CNTN4: variants seen among roughly 807,000 people sequenced by gnomAD.
The protein encoded by CNTN4 is contactin-4.
In CNTN4, 77 loss-of-function variants were observed where a neutral mutation model predicts 122.5. The ratio of observed to expected loss-of-function variants is 0.63; its 90% CI spans 0.52 to 0.76. The LOEUF is 0.76. Ranked by LOEUF, CNTN4 falls within the 30% of genes least tolerant of loss-of-function variation. The pLI is 0.00. For missense variants in CNTN4, 1,256 were observed against 1,259.1 expected (o/e 1.00, Z 0.04); for synonymous variants, 512 against 447.0 (o/e 1.15, Z -1.83).
At chr3:2,099,582 C>T (rs1230220767) in intron 1 of CNTN4, 1 of 153,650 alleles carries the variant, frequency 6.5e-6, no homozygotes, top group Non-Finnish European at 1.4e-5. Flanking sequence ...CCGCTGGGTG[C>T]CGGGCTGGCT....
intron 9 of CNTN4, among the ~76,000 whole-genome samples, chr3:2,884,552 G>A (rs2093948230): frequency 6.6e-6 from 1 of 152,116 alleles, no homozygotes; most frequent in Admixed American, 6.6e-5. Flanking sequence ...TTAAGACATA[G>A]AAAATGCCCA....
intron 6 of CNTN4, among the ~76,000 whole-genome samples, chr3:2,767,479 G>A (rs568733221): frequency 3.9e-5 from 6 of 152,172 alleles, no homozygotes; most frequent in Admixed American, 6.5e-5. Flanking sequence ...CCTGAAAAAG[G>A]AAGTTTATAT....
chr3:3,007,301 A>C (rs1008171583), intron 14 of CNTN4, among the ~76,000 whole-genome samples: 2 of 152,130 alleles, frequency 1.3e-5, no homozygotes, highest in Non-Finnish European at 2.9e-5. Context: ...TGAGCACTGG[A>C]GTCTGTGATT....
At chr3:3,016,281 AG>A (rs145920884) in intron 14 of CNTN4, among the ~76,000 whole-genome samples, 18 of 152,286 alleles carry the variant, frequency 1.2e-4, no homozygotes, top group Admixed American at 9.2e-4. Context: ...AGCTTCAAAA[AG>A]AAAATGTGAG....
intron 3 of CNTN4, among the ~76,000 whole-genome samples, chr3:2,374,944 T>C (rs2150699789): frequency 6.6e-6 from 1 of 152,284 alleles, no homozygotes; most frequent in South Asian, 2.1e-4. Flanking sequence ...TAATTTACCA[T>C]TTTGTACCAT....
At chr3:3,035,753 T>C (rs1699545688) in intron 17 of CNTN4, among the ~76,000 whole-genome samples, 1 of 152,160 alleles carries the variant, frequency 6.6e-6, no homozygotes, top group Admixed American at 6.5e-5. Context: ...GAGACAGGTC[T>C]TGCTATGTTG....
intron 8 of CNTN4, among the ~76,000 whole-genome samples, chr3:2,881,331 A>G (rs192110081): frequency 1.3e-3 from 199 of 152,198 alleles, no homozygotes; most frequent in African/African-American, 3.5e-3. Context: ...TGGCCAACAT[A>G]GTGAAACCTC....
chr3:2,960,418 T>C (rs2094840948), intron 13 of CNTN4, among the ~76,000 whole-genome samples: 1 of 152,078 alleles, frequency 6.6e-6, no homozygotes, highest in Non-Finnish European at 1.5e-5. Context: ...TTGTTTTTGG[T>C]TAATATACTG....
At position 2,904,445 on chromosome 3, in the gene CNTN4, C is replaced by A. The variant is rs572950653; in HGVS notation, c.1207+1440C>A. Among the ~76,000 whole-genome samples, 3 of 152,320 alleles carry A rather than the reference C, an allele frequency of 2.0e-5. No individual in the cohort carries two copies. The East Asian group carries it at 5.8e-4, about 29-fold the overall frequency. On this transcript the variant is annotated intron_variant, in intron 12 of 24. Transcript: ENST00000418658. ...GCTCTTCTCACTAAGTTCGTTAGCA[C>A]TGACTCAAATCCTATCAAAGATAAC... is the stretch of plus-strand genomic sequence containing the variant.
intron 8 of CNTN4, 70 bp from the exon 9 acceptor site, chr3:2,883,075 G>A (rs926462888): frequency 2.1e-4 from 236 of 1,110,968 alleles, no homozygotes; most frequent in Non-Finnish European, 3.1e-4. Context: ...TGCATTAACA[G>A]AAAAATGAGT....
chr3:2,361,209 G>A (rs925442276), intron 3 of CNTN4, among the ~76,000 whole-genome samples: 1 of 152,132 alleles, frequency 6.6e-6, no homozygotes, highest in African/African-American at 2.4e-5. Flanking sequence ...AAGTTAACGT[G>A]TGTACCTGTA....
At chr3:2,783,110 C>T (rs562692779) in intron 6 of CNTN4, among the ~76,000 whole-genome samples, 1 of 151,420 alleles carries the variant, frequency 6.6e-6, no homozygotes, top group African/African-American at 2.4e-5. Context: ...GAGATTTTCT[C>T]TCTACTAATT....
intron 3 of CNTN4, among the ~76,000 whole-genome samples, chr3:2,464,534 G>A (rs1409250294): frequency 1.3e-5 from 2 of 152,214 alleles, no homozygotes; most frequent in African/African-American, 4.8e-5. Context: ...GAAGAGGAGT[G>A]ACTAAAGAGA....
At chr3:2,225,546 A>C (rs7637353) in intron 2 of CNTN4, among the ~76,000 whole-genome samples, 46,610 of 151,684 alleles carry the variant, frequency 0.31, 7,370 homozygotes, top group African/African-American at 0.38. Context: ...AAAAACAAAC[A>C]AACAAAAACC....
chr3:2,308,380 G>GT (rs1341585411), intron 2 of CNTN4, among the ~76,000 whole-genome samples: 2 of 151,434 alleles, frequency 1.3e-5, no homozygotes, highest in African/African-American at 2.4e-5. Flanking sequence ...TTTTTCTGTT[G>GT]TTTTTTGTTT....
chr3:2,542,955 A>T (rs1029538810), intron 3 of CNTN4, among the ~76,000 whole-genome samples: 1 of 152,130 alleles, frequency 6.6e-6, no homozygotes, highest in South Asian at 2.1e-4. Context: ...TGTTACCACT[A>T]TATTGAACAT....
chr3:2,851,956 C>T (rs115616185), intron 7 of CNTN4, among the ~76,000 whole-genome samples: 416 of 152,252 alleles, frequency 2.7e-3, no homozygotes, highest in African/African-American at 9.6e-3. Context: ...AGGATGCTTT[C>T]AGCTATAATC....
intron 3 of CNTN4, among the ~76,000 whole-genome samples, chr3:2,434,330 A>C (rs1223750346): frequency 1.3e-5 from 2 of 152,174 alleles, no homozygotes; most frequent in African/African-American, 2.4e-5. Context: ...TAAAATGTAA[A>C]AATATATCTG....
At chr3:2,884,975 G>A (rs2093954188) in intron 9 of CNTN4, among the ~76,000 whole-genome samples, 1 of 152,150 alleles carries the variant, frequency 6.6e-6, no homozygotes, top group African/African-American at 2.4e-5. Context: ...TATATTAAGT[G>A]CATATCTCAT....
Sources: gnomAD v4.1 joint callset for allele counts (sites outside exome capture counted in the v4.1 genomes callset) on GRCh38, gnomAD v4.1.1 for gene constraint, MANE v1.5 for transcripts, NCBI Gene and HGNC (gene_info 2026-07-23, HGNC 2026-07-21) for gene names.